SHOX: variants seen among roughly 807,000 people sequenced by gnomAD.
The protein encoded by SHOX is short stature homeobox protein.
A neutral mutation model predicts 29.6 loss-of-function variants in SHOX; 12 were observed. The ratio of observed to expected loss-of-function variants is 0.41; its 90% CI spans 0.26 to 0.66. The LOEUF is 0.66. SHOX is among the 30% of genes least tolerant of loss of function. The probability of loss-of-function intolerance (pLI) is 0.35; values close to 1 mark genes in which losing one functional copy is unlikely to be tolerated. For missense variants in SHOX, 499 were observed against 437.7 expected (o/e 1.14, Z -1.25); for synonymous variants, 214 against 200.6 (o/e 1.07, Z -0.57).
rs767349016 is a variant in SHOX at position 634,737 on chromosome X, G to C, written c.397G>C (p.Glu133Gln). ...CACGCTGGAGCAGCTGAACGAGCTCGAGCGACTCTTCGACGAGACCCATTA... is the reference window on the plus strand; with the variant it reads ...CACGCTGGAGCAGCTGAACGAGCTCCAGCGACTCTTCGACGAGACCCATTA... Reference protein sequence around the residue: ...NFTLEQLNELERLFDETHYPD... With the variant: ...NFTLEQLNELQRLFDETHYPD... The change falls in exon 2 of 5, where the codon GAG becomes CAG. Residue 133 changes from glutamate (E) to glutamine (Q), a missense_variant. Transcript: ENST00000686671. The C allele has an allele frequency of 1.1e-5, 17 of 1,613,034 alleles. No individual in the cohort carries two copies. Among genetic ancestry groups the C allele is most frequent in the Middle Eastern group, 1.7e-4 (1 of 6,042 alleles).
intron 2 of SHOX, among the ~76,000 whole-genome samples, chrX:635,300 C>T (rs2052725899): frequency 6.6e-6 from 1 of 151,588 alleles, no homozygotes; most frequent in Non-Finnish European, 1.5e-5. Context: ...CAAGATTTTT[C>T]ATTTAAAAAA....
chrX:627,413 A>T (rs181462253), upstream of SHOX, among the ~76,000 whole-genome samples: 228 of 152,220 alleles, frequency 1.5e-3, no homozygotes, highest in African/African-American at 5.3e-3. Context: ...CAGAGAAGGG[A>T]AAGGTCTTTA....
At position 624,852 on chromosome X, in the gene SHOX, T is replaced by TCTTTCTTTCTTTC. The variant is rs1466039416; in HGVS notation, c.-433+262_-433+263insCCTTTCTTTCTTT. Among the ~76,000 whole-genome samples, 259 of 71,146 alleles carry TCTTTCTTTCTTTC rather than the reference T, an allele frequency of 3.6e-3. 6 individuals are homozygous for TCTTTCTTTCTTTC. The highest frequency in any genetic ancestry group is 0.019 in the East Asian group (49 of 2,640). The allele number at this position is 71,146 out of a possible 152,430, so 46.7% of individuals were successfully genotyped here. On this transcript the variant is annotated intron_variant, in intron 1 of 5. Coordinates refer to the SHOX transcript ENST00000334060. The stretch of plus-strand genomic sequence containing the variant: ...TTTCCTTCCTTCCTTCCTCTCTTCC[T>TCTTTCTTTCTTTC]CTTTCTTTCTTTTCTTTCTTTCTTT...
At chrX:634,218 C>G (rs1248063950) in intron 1 of SHOX, among the ~76,000 whole-genome samples, 1 of 152,208 alleles carries the variant, frequency 6.6e-6, no homozygotes, top group African/African-American at 2.4e-5. Flanking sequence ...GCAACCCGCC[C>G]CGGGTCCTCC....
At position 634,173 on chromosome X, in the gene SHOX, G is replaced by A. The variant is rs192807290; in HGVS notation, c.278-445G>A. 5.9e-5 allele frequency among the ~76,000 whole-genome samples: 9 copies of A among 152,314 alleles called. No homozygotes were observed. In the East Asian group the frequency reaches 1.4e-3, roughly 23 times the overall value. On this transcript the variant is annotated intron_variant, in intron 1 of 4. Coordinates refer to ENST00000686671, the MANE Select transcript of SHOX (RefSeq NM_000451.4). Reference sequence around the variant, plus strand: ...ACCCCCAGCCCTCCTGCGCTGCAGCGGTGGGGATAGCGTCTCTCCGTAGGC... The same window carrying A: ...ACCCCCAGCCCTCCTGCGCTGCAGCAGTGGGGATAGCGTCTCTCCGTAGGC...
Position 644,372 on chromosome X carries a change from G to A in SHOX, c.634-19G>A, listed in dbSNP as rs753378935. The A allele has an allele frequency of 6.6e-7, 1 of 1,516,584 alleles. No homozygotes were observed. The highest frequency in any genetic ancestry group is 8.8e-7 in the Non-Finnish European group (1 of 1,139,788). 93.9% of individuals were successfully genotyped at this position (1,516,584 alleles called of 1,614,324 possible). A position where few individuals can be genotyped will look rare whatever the true frequency, so the allele number is the denominator to read the frequency against. ...AGTCCCCATCCTGCGCCCTCACCCCGCCGGGTCCGCTCCCGCAGGTCCAGG... is the reference window on the plus strand; with the variant it reads ...AGTCCCCATCCTGCGCCCTCACCCCACCGGGTCCGCTCCCGCAGGTCCAGG... On this transcript the variant is annotated intron_variant, in intron 4 of 4. Transcript: ENST00000686671.
chrX:634,261 C>G (rs2124163893), intron 1 of SHOX, among the ~76,000 whole-genome samples: 1 of 152,282 alleles, frequency 6.6e-6, no homozygotes, highest in East Asian at 1.9e-4. Context: ...GCCGGGGATC[C>G]CACAGTTGGC....
Position 634,641 on chromosome X carries a change from C to T in SHOX, c.301C>T (p.Arg101Cys), listed in dbSNP as rs761493152. 8 of 1,613,836 alleles carry T rather than the reference C, an allele frequency of 5.0e-6. No homozygotes were observed. The highest frequency in any genetic ancestry group is 3.4e-6 in the Non-Finnish European group (4 of 1,179,878). ...AGGGATTTATGAATGCAAAGAGAAG[C>T]GCGAGGACGTGAAGTCGGAGGACGA... ...AEGIYECKEK[R>C]EDVKSEDEDG... The change falls in exon 2 of 5, where the codon CGC (arginine) becomes TGC (cysteine). Residue 101 changes from arginine to cysteine, a missense_variant. Arg to Cys is a radical substitution (Grantham distance 180). Coordinates refer to ENST00000686671, the MANE Select transcript of SHOX (RefSeq NM_000451.4).
chrX:654,034 G>A (rs1284054263), downstream of SHOX, among the ~76,000 whole-genome samples: 3 of 152,084 alleles, frequency 2.0e-5, no homozygotes, highest in East Asian at 1.9e-4. Flanking sequence ...CAAAACAGAC[G>A]TATTTTAATT....
At chrX:640,342 C>T (rs890328079) in intron 2 of SHOX, among the ~76,000 whole-genome samples, 3 of 151,108 alleles carry the variant, frequency 2.0e-5, no homozygotes, top group African/African-American at 7.3e-5. Flanking sequence ...AAGACTCCGT[C>T]TCAAAAACAA....
rs1254981753 is a variant in SHOX at position 651,239 on chromosome X, C to T, written c.*6603C>T. 9.8e-5 allele frequency: 44 copies of T among 449,712 alleles called. 2 individuals are homozygous for T. Among genetic ancestry groups the T allele is most frequent in the Admixed American group, 8.8e-4 (37 of 42,108 alleles). The allele number at this position is 449,712 out of a possible 1,614,324, so 27.9% of individuals were successfully genotyped here. A position where few individuals can be genotyped will look rare whatever the true frequency, so the allele number is the denominator to read the frequency against. ...TTTTTCTTTTTCCCTCCCCCATTGACGACATAGCGGCCCCCGCGTCCGGGT... is the reference window on the plus strand; with the variant it reads ...TTTTTCTTTTTCCCTCCCCCATTGATGACATAGCGGCCCCCGCGTCCGGGT... On this transcript the variant is annotated 3_prime_UTR_variant, in exon 5 of 5. Coordinates refer to ENST00000686671, the MANE Select transcript of SHOX (RefSeq NM_000451.4).
chrX:632,771 G>A (rs1458140659), intron 1 of SHOX, among the ~76,000 whole-genome samples: 2 of 152,132 alleles, frequency 1.3e-5, no homozygotes, highest in Non-Finnish European at 2.9e-5. Flanking sequence ...ACACTGCTGC[G>A]GGCACCCGGC....
upstream of SHOX, among the ~76,000 whole-genome samples, chrX:625,947 CTTCGT>C (rs1299983606): frequency 5.8e-5 from 5 of 86,294 alleles, no homozygotes; most frequent in Admixed American, 1.2e-4. Flanking sequence ...TTCTCTCTGT[CTTCGT>C]TCCTCTCTCT....
At chrX:642,988 TG>T (rs1263243383) in intron 4 of SHOX, among the ~76,000 whole-genome samples, 6 of 124,298 alleles carry the variant, frequency 4.8e-5, no homozygotes, top group African/African-American at 1.8e-4. Context: ...CCTGGTGTTC[TG>T]GGAGAGGCTT....
Position 634,761 on chromosome X carries a change from T to C in SHOX, c.421T>C (p.Tyr141His). ...CGAGCGACTCTTCGACGAGACCCAT[T>C]ACCCCGACGCCTTCATGCGCGAGGA... is the stretch of plus-strand genomic sequence containing the variant. ...ELERLFDETH[Y>H]PDAFMREELS... is the part of the protein sequence containing the mutation. The change falls in exon 2 of 5, where the codon TAC becomes CAC. Residue 141 changes from tyrosine to histidine, a missense_variant. Tyr to His is a moderately conservative substitution (Grantham distance 83, BLOSUM62 2). Coordinates refer to ENST00000686671, the MANE Select transcript of SHOX (RefSeq NM_000451.4). The C allele has an allele frequency of 6.2e-7, 1 of 1,610,068 alleles. No homozygotes were observed. The highest frequency in any genetic ancestry group is 8.5e-7 in the Non-Finnish European group (1 of 1,178,372).
chrX:638,325 CT>C (rs764448040), intron 2 of SHOX, among the ~76,000 whole-genome samples: 8 of 151,520 alleles, frequency 5.3e-5, no homozygotes, highest in African/African-American at 1.5e-4. Flanking sequence ...GGAGGATTTT[CT>C]TTTTTGAAAA....
downstream of SHOX, among the ~76,000 whole-genome samples, chrX:652,576 C>T (rs141743599): frequency 0.03 from 4,570 of 151,978 alleles, 85 homozygotes; most frequent in Non-Finnish European, 0.035. Flanking sequence ...TGAGCCTCTC[C>T]GACACCTCCC....
chrX:636,181 A>T (rs2052743644), intron 2 of SHOX, among the ~76,000 whole-genome samples: 1 of 147,480 alleles, frequency 6.8e-6, no homozygotes, highest in African/African-American at 2.5e-5. Context: ...ATGTATGTAA[A>T]TATATATAAT....
chrX:644,742 G>C lies in SHOX; in HGVS notation c.*106G>C. On this transcript the variant is annotated 3_prime_UTR_variant, in exon 5 of 5. Coordinates refer to ENST00000686671, the MANE Select transcript of SHOX (RefSeq NM_000451.4). ...GCCTGGAGCTCCTTCCGCGGCCACC[G>C]TGCTCCGGGCACCCCGGGAGCTCCT... 7.6e-7 allele frequency: 1 copy of C among 1,321,554 alleles called. No individual in the cohort carries two copies. The highest frequency in any genetic ancestry group is 9.7e-7 in the Non-Finnish European group (1 of 1,036,238). The allele number at this position is 1,321,554 out of a possible 1,614,324, so 81.9% of individuals were successfully genotyped here.
Sources: allele counts gnomAD v4.1 joint callset (sites outside exome capture counted in the v4.1 genomes callset), GRCh38; gene constraint gnomAD v4.1.1; transcripts MANE v1.5; gene names NCBI Gene and HGNC (gene_info 2026-07-23, HGNC 2026-07-21).